RIMS1: variants seen among roughly 807,000 people sequenced by gnomAD.
RIMS1 encodes the protein regulating synaptic membrane exocytosis 1, also known as regulating synaptic membrane exocytosis protein 1.
RIMS1 carries 83 observed loss-of-function variants against 214.1 expected under a neutral mutation model. The ratio of observed to expected loss-of-function variants is 0.39; its 90% confidence interval spans 0.32 to 0.47. The LOEUF is 0.47. Among genes scored for constraint, RIMS1 ranks in the 20% least tolerant of loss-of-function variants. RIMS1 has a pLI of 0.99. For missense variants in RIMS1, 2,050 were observed against 2,161.8 expected (o/e 0.95, Z 1.03); for synonymous variants, 793 against 786.8 (o/e 1.01, Z -0.13).
chr6:72,238,920 A>G (rs1554320489), intron 9 of RIMS1, among the ~76,000 whole-genome samples: 1 of 151,492 alleles, frequency 6.6e-6, no homozygotes, highest in Admixed American at 6.6e-5. Context: ...TTTTTTTTTT[A>G]ATTTGACAAG....
At chr6:72,191,870 G>A (rs913190307) in intron 6 of RIMS1, among the ~76,000 whole-genome samples, 9 of 152,318 alleles carry the variant, frequency 5.9e-5, no homozygotes, top group East Asian at 1.9e-4. Context: ...GAACGGGGAT[G>A]TGGTGGGCAT....
In RIMS1 at chr6:72,099,911, C is replaced by A; in HGVS notation, c.460-64C>A. On this transcript the variant is annotated intron_variant, in intron 3 of 33. Transcript: ENST00000521978. Reference sequence around the variant, plus strand: ...AAAACCAATTTATTAATACATGGCTCAATTTTGTTTTTCTTTTCTTTGTCT... The same window carrying A: ...AAAACCAATTTATTAATACATGGCTAAATTTTGTTTTTCTTTTCTTTGTCT... 2.2e-6 allele frequency: 3 copies of A among 1,348,848 alleles called. No homozygotes were observed. The South Asian group carries it at 3.6e-5, about 16-fold the overall frequency. The allele number at this position is 1,348,848 out of a possible 1,614,324, so 83.6% of individuals were successfully genotyped here. A position where few individuals can be genotyped will look rare whatever the true frequency, so the allele number is the denominator to read the frequency against.
intron 29 of RIMS1, among the ~76,000 whole-genome samples, chr6:72,382,311 C>T (rs1040470241): frequency 1.1e-4 from 17 of 152,126 alleles, no homozygotes; most frequent in African/African-American, 3.1e-4. Context: ...ACAAAAGGAA[C>T]ATTTGTGTTT....
chr6:72,370,064 C>T (rs1163373104), intron 29 of RIMS1, among the ~76,000 whole-genome samples: 1 of 152,164 alleles, frequency 6.6e-6, no homozygotes, highest in Non-Finnish European at 1.5e-5. Flanking sequence ...AAGAAAAGAA[C>T]TAAAATAGCA....
intron 1 of RIMS1, among the ~76,000 whole-genome samples, chr6:71,918,801 A>G (rs918088165): frequency 6.6e-6 from 1 of 152,104 alleles, no homozygotes; most frequent in African/African-American, 2.4e-5. Flanking sequence ...ATTGAAACTG[A>G]TAAGAGGTAA....
intron 29 of RIMS1, among the ~76,000 whole-genome samples, chr6:72,376,704 A>G (rs1247451659): frequency 2.0e-5 from 3 of 151,760 alleles, no homozygotes; most frequent in Admixed American, 1.3e-4. Context: ...CCAAAATCAC[A>G]TCATTGCACT....
In RIMS1 at chr6:71,977,058, C is replaced by T. The variant is rs118151838; in HGVS notation, c.245+7995C>T. On this transcript the variant is annotated intron_variant, in intron 2 of 33. Transcript: ENST00000521978. ...TTCACAACTCTGTGTCCTACAATAGCGGATGGCAGAAATGTCAGGGACAAC... is the reference window on the plus strand; with the variant it reads ...TTCACAACTCTGTGTCCTACAATAGTGGATGGCAGAAATGTCAGGGACAAC... Among the ~76,000 whole-genome samples the T allele has an allele frequency of 4.8e-3, 734 of 152,200 alleles. 2 individuals are homozygous for T. The highest frequency in any genetic ancestry group is 7.2e-3 in the Non-Finnish European group (488 of 67,996).
At chr6:72,324,539 G>T (rs2096358081) in intron 28 of RIMS1, among the ~76,000 whole-genome samples, 1 of 151,732 alleles carries the variant, frequency 6.6e-6, no homozygotes, top group Non-Finnish European at 1.5e-5. Flanking sequence ...CAAATAAACA[G>T]AAAGTGGTGG....
chr6:71,938,417 A>G (rs1454516650), intron 1 of RIMS1, among the ~76,000 whole-genome samples: 1 of 152,196 alleles, frequency 6.6e-6, no homozygotes, highest in African/African-American at 2.4e-5. Flanking sequence ...GCCTCACCCC[A>G]CAATAGTTTC....
intron 26 of RIMS1, chr6:72,295,919 G>A (rs2094027090): frequency 2.0e-6 from 1 of 512,130 alleles, no homozygotes; most frequent in South Asian, 6.2e-5. Context: ...ATCATTATGT[G>A]CATTTAATTC....
At chr6:72,386,835 G>A (rs572750843) in intron 29 of RIMS1, among the ~76,000 whole-genome samples, 3 of 143,966 alleles carry the variant, frequency 2.1e-5, no homozygotes, top group Admixed American at 7.4e-5. Flanking sequence ...CCAGCTTCAC[G>A]CCATTCTCCT....
chr6:71,940,152 C>CTA (rs1785613978), intron 1 of RIMS1, among the ~76,000 whole-genome samples: 1 of 152,238 alleles, frequency 6.6e-6, no homozygotes, highest in South Asian at 2.1e-4. Context: ...GTGTTTGGGG[C>CTA]TATGGGATGG....
At chr6:72,300,392 CA>C (rs998169424) in intron 26 of RIMS1, among the ~76,000 whole-genome samples, 10 of 151,714 alleles carry the variant, frequency 6.6e-5, no homozygotes, top group Admixed American at 3.3e-4. Context: ...TATTGTAAAA[CA>C]CAGGAAAAGA....
chr6:72,015,819 G>A (rs1340937539), intron 2 of RIMS1, among the ~76,000 whole-genome samples: 3 of 152,092 alleles, frequency 2.0e-5, no homozygotes, highest in African/African-American at 7.2e-5. Flanking sequence ...CCAGCTACTT[G>A]GGAGGCTGAG....
In RIMS1 at chr6:72,097,054, A is replaced by C; in HGVS notation, c.351A>C (p.Gly117=). The part of the protein sequence containing the change: ...GEHKDDAPTC[G]ICHKTKFADG... The stretch of plus-strand genomic sequence containing the variant: ...ACAAAGACGATGCTCCGACTTGTGG[A>C]ATCTGTCATAAAACAAAGTTTGCTG... Residue 117 remains glycine, a synonymous_variant, in exon 3 of 34, where the codon GGA becomes GGC. Coordinates refer to ENST00000521978, the MANE Select transcript of RIMS1 (RefSeq NM_014989.7). 6.2e-7 allele frequency: 1 copy of C among 1,613,988 alleles called. No homozygotes were observed. Among genetic ancestry groups the C allele is most frequent in the Non-Finnish European group, 8.5e-7 (1 of 1,179,878 alleles).
At chr6:72,254,761 A>G (rs1218675512) in intron 16 of RIMS1, among the ~76,000 whole-genome samples, 1 of 152,192 alleles carries the variant, frequency 6.6e-6, no homozygotes, top group African/African-American at 2.4e-5. Context: ...GAGTTATGGA[A>G]TCCACTAGAG....
chr6:72,146,914 G>C (rs989125786), intron 4 of RIMS1, among the ~76,000 whole-genome samples: 4 of 152,242 alleles, frequency 2.6e-5, no homozygotes, highest in Non-Finnish European at 5.9e-5. Flanking sequence ...TTATGTACTA[G>C]GTGTAGATAC....
At chr6:72,239,974 A>G (rs1447763700) in intron 9 of RIMS1, among the ~76,000 whole-genome samples, 1 of 150,864 alleles carries the variant, frequency 6.6e-6, no homozygotes, top group African/African-American at 2.4e-5. Context: ...GGTTCCTAAT[A>G]TCTCACCTGG....
intron 2 of RIMS1, among the ~76,000 whole-genome samples, chr6:71,969,376 A>C (rs1263636730): frequency 6.6e-6 from 1 of 152,224 alleles, no homozygotes; most frequent in African/African-American, 2.4e-5. Context: ...ATGAGCTGGA[A>C]TATAACACCT....
Sources: allele counts gnomAD v4.1 joint callset (sites outside exome capture counted in the v4.1 genomes callset), GRCh38; gene constraint gnomAD v4.1.1; transcripts MANE v1.5; gene names NCBI Gene and HGNC (gene_info 2026-07-23, HGNC 2026-07-21).